Variants in TRPS1 observed in about 807,000 individuals in gnomAD.
TRPS1 encodes zinc finger transcription factor Trps1.
A neutral mutation model predicts 101.2 loss-of-function variants in TRPS1; 6 were observed. That is an observed-to-expected ratio of 0.06 (90% CI 0.03 to 0.12). TRPS1 has a LOEUF of 0.12. Among genes scored for constraint, TRPS1 ranks in the 10% least tolerant of loss-of-function variants. The pLI, the probability that TRPS1 is intolerant of heterozygous loss-of-function variation, is 1.00. For missense variants in TRPS1, 1,363 were observed against 1,567.0 expected (o/e 0.87, Z 2.20); for synonymous variants, 578 against 589.8 (o/e 0.98, Z 0.29).
chr8:115,482,704 G>A (rs1240869575), intron 5 of TRPS1, among the ~76,000 whole-genome samples: 4 of 152,114 alleles, frequency 2.6e-5, no homozygotes, highest in Non-Finnish European at 5.9e-5. Context: ...TTTCATCAAA[G>A]ATCAAATCTA....
chr8:115,607,912 T>C (rs1318887689), intron 3 of TRPS1, among the ~76,000 whole-genome samples: 2 of 152,164 alleles, frequency 1.3e-5, no homozygotes, highest in Non-Finnish European at 2.9e-5. Context: ...GAGACACTAC[T>C]GGTGTCTATT....
intron 3 of TRPS1, 108 bp downstream of exon 3, chr8:115,619,024 G>T (rs1023574149): frequency 1.9e-5 from 23 of 1,180,796 alleles, no homozygotes; most frequent in Non-Finnish European, 2.7e-5. Context: ...GCTAGATCTA[G>T]CAGGCTACCT....
chr8:115,590,149 C>T (rs561719835), intron 4 of TRPS1, among the ~76,000 whole-genome samples: 1 of 151,904 alleles, frequency 6.6e-6, no homozygotes, highest in Admixed American at 6.6e-5. Flanking sequence ...CAAAAAAAAC[C>T]CACACACATT....
intron 1 of TRPS1, among the ~76,000 whole-genome samples, chr8:115,625,005 C>A (rs531178162): frequency 1.3e-5 from 2 of 151,610 alleles, no homozygotes; most frequent in African/African-American, 4.8e-5. Context: ...CTCCAACTAA[C>A]CTTGCAATAG....
intron 5 of TRPS1, among the ~76,000 whole-genome samples, chr8:115,421,297 A>G (rs1813048008): frequency 6.6e-6 from 1 of 152,096 alleles, no homozygotes; most frequent in Non-Finnish European, 1.5e-5. Context: ...TGTGATTCTT[A>G]TGTAGATTAA....
chr8:115,462,691 A>G (rs1814217375), intron 5 of TRPS1, among the ~76,000 whole-genome samples: 1 of 150,540 alleles, frequency 6.6e-6, no homozygotes, highest in Admixed American at 6.6e-5. Context: ...ATGCACCTGG[A>G]AAAAGAAAAC....
chr8:115,430,996 A>G lies in TRPS1; in HGVS notation c.2701-12544T>C, dbSNP rs185192831. 2.0e-5 allele frequency among the ~76,000 whole-genome samples: 3 copies of G among 152,132 alleles called. No homozygotes were observed. The East Asian group carries it at 5.8e-4, about 29-fold the overall frequency. On this transcript the variant is annotated intron_variant, in intron 5 of 6. Transcript: ENST00000395715. ...AGAATGCTGTAAATGTCAGCCTTAT[A>G]ATTATTTACTTTAGTAGGAGGAAAA...
intron 4 of TRPS1, among the ~76,000 whole-genome samples, chr8:115,598,117 G>A (rs942380096): frequency 4.6e-5 from 7 of 152,068 alleles, no homozygotes; most frequent in Admixed American, 2.0e-4. Flanking sequence ...TTAAAAAGTT[G>A]ATTGAATTTT....
intron 5 of TRPS1, among the ~76,000 whole-genome samples, chr8:115,453,233 C>T (rs1813925880): frequency 1.3e-5 from 2 of 152,088 alleles, no homozygotes; most frequent in African/African-American, 4.8e-5. Context: ...CTTGGCCGGG[C>T]TGGTCTTGAA....
At chr8:115,434,153 C>T (rs896776087) in intron 5 of TRPS1, among the ~76,000 whole-genome samples, 2 of 152,078 alleles carry the variant, frequency 1.3e-5, no homozygotes, top group Admixed American at 1.3e-4. Flanking sequence ...ATGTATTTTA[C>T]ATAGGTGATT....
rs570014814 is a variant in TRPS1 at position 115,468,660 on chromosome 8, T to C, written c.2701-50208A>G. Among the ~76,000 whole-genome samples, 26 of 152,022 alleles carry C rather than the reference T, an allele frequency of 1.7e-4. No homozygotes were observed. The South Asian group carries it at 5.4e-3, about 32-fold the overall frequency. ...ACACACACACAAAAAACCTGAAGAG[T>C]AGAACAGAGTGACTAATTCACCAGC... On this transcript the variant is annotated intron_variant, in intron 5 of 6. Transcript: ENST00000395715.
intron 5 of TRPS1, chr8:115,492,190 T>C (rs1681265267): frequency 2.2e-6 from 1 of 456,060 alleles, no homozygotes; most frequent in South Asian, 1.5e-5. Flanking sequence ...ATACTGACCT[T>C]AGGCAGAATC....
At chr8:115,426,480 A>G (rs1243618330) in intron 5 of TRPS1, among the ~76,000 whole-genome samples, 3 of 152,136 alleles carry the variant, frequency 2.0e-5, no homozygotes, top group East Asian at 1.9e-4. Flanking sequence ...ACACCTTTTT[A>G]GGGCTGCCTT....
At chr8:115,651,364 G>A (rs867435100) in intron 1 of TRPS1, among the ~76,000 whole-genome samples, 1 of 152,136 alleles carries the variant, frequency 6.6e-6, no homozygotes, top group African/African-American at 2.4e-5. Flanking sequence ...CCTTAGGAAC[G>A]ATATATTAGG....
At chr8:115,462,436 T>C (rs1450404217) in intron 5 of TRPS1, among the ~76,000 whole-genome samples, 8 of 152,160 alleles carry the variant, frequency 5.3e-5, no homozygotes, top group African/African-American at 1.7e-4. Flanking sequence ...ATATTAGCTT[T>C]CTAATGTATA....
At chr8:115,629,507 A>C (rs1198792488) in intron 1 of TRPS1, among the ~76,000 whole-genome samples, 1 of 151,926 alleles carries the variant, frequency 6.6e-6, no homozygotes, top group African/African-American at 2.4e-5. Flanking sequence ...GATTATACAG[A>C]TATCACTGCA....
Position 115,603,869 on chromosome 8 carries a change from T to A in TRPS1, c.2096+4A>T. The A allele has an allele frequency of 6.2e-7, 1 of 1,613,944 alleles. No individual in the cohort carries two copies. The highest frequency in any genetic ancestry group is 8.5e-7 in the Non-Finnish European group (1 of 1,179,888). ...TCCTCCCGACCCCACCCCCCATGCCTCACCTGTAGTGTCGGGAAATCTCTT... is the reference window on the plus strand; with the variant it reads ...TCCTCCCGACCCCACCCCCCATGCCACACCTGTAGTGTCGGGAAATCTCTT... On this transcript the variant is annotated splice_donor_region_variant and intron_variant, in intron 4 of 6. Coordinates refer to ENST00000395715, the MANE Select transcript of TRPS1 (RefSeq NM_014112.5).
At chr8:115,471,354 C>T (rs1489497533) in intron 5 of TRPS1, among the ~76,000 whole-genome samples, 23 of 152,024 alleles carry the variant, frequency 1.5e-4, no homozygotes, top group Non-Finnish European at 2.8e-4. Flanking sequence ...AGGGAAAAGC[C>T]GCTTATAAAG....
intron 5 of TRPS1, among the ~76,000 whole-genome samples, chr8:115,523,094 T>G (rs987754523): frequency 6.6e-6 from 1 of 152,076 alleles, no homozygotes; most frequent in Non-Finnish European, 1.5e-5. Context: ...GATTAGATCC[T>G]GAGTTTAGGG....
Sources: allele counts gnomAD v4.1 joint callset (sites outside exome capture counted in the v4.1 genomes callset), GRCh38; gene constraint gnomAD v4.1.1; transcripts MANE v1.5; gene names NCBI Gene and HGNC (gene_info 2026-07-23, HGNC 2026-07-21).